Variants in DOCK4 observed in about 807,000 individuals in gnomAD.
The protein encoded by DOCK4 is dedicator of cytokinesis protein 4.
Under a neutral mutation model 268.1 loss-of-function variants are expected in DOCK4, and 97 were observed. That is an observed-to-expected ratio of 0.36 (90% confidence interval 0.31 to 0.43). DOCK4 has a LOEUF of 0.43. Ranked by LOEUF, DOCK4 falls within the 20% of genes least tolerant of loss-of-function variation. The pLI is 1.00. For missense variants in DOCK4, 2,145 were observed against 2,455.7 expected (o/e 0.87, Z 2.67); for synonymous variants, 954 against 887.2 (o/e 1.08, Z -1.34).
intron 16 of DOCK4, among the ~76,000 whole-genome samples, chr7:111,880,249 A>C (rs1468484040): frequency 6.6e-6 from 1 of 152,202 alleles, no homozygotes; most frequent in Admixed American, 6.5e-5. Flanking sequence ...TTCGGTGGAA[A>C]TCTTACAGGC....
chr7:111,935,327 A>C, intron 12 of DOCK4: 1 of 603,618 alleles, frequency 1.7e-6, no homozygotes. Flanking sequence ...TTTTCGTTTC[A>C]ACAAGAATAG....
chr7:111,912,691 A>C (rs59812790), intron 13 of DOCK4, among the ~76,000 whole-genome samples: 22,091 of 151,986 alleles, frequency 0.15, 2,269 homozygotes, highest in African/African-American at 0.29. Context: ...AAAGGAAAAG[A>C]GAAAGAAAAT....
chr7:111,869,695 C>G (rs781646290), intron 20 of DOCK4, 40 bp from the exon 21 acceptor site: 2 of 1,572,688 alleles, frequency 1.3e-6, no homozygotes, highest in Non-Finnish European at 8.7e-7. Context: ...TAAAATTGGT[C>G]TAATTCTCAA....
chr7:112,145,265 G>A (rs1815358479), intron 1 of DOCK4, among the ~76,000 whole-genome samples: 1 of 152,142 alleles, frequency 6.6e-6, no homozygotes, highest in Admixed American at 6.5e-5. Context: ...TTCAGACTTA[G>A]GCTGAGATCC....
At chr7:111,753,005 TGG>T (rs5886603) in intron 42 of DOCK4, among the ~76,000 whole-genome samples, 1 of 105,166 alleles carries the variant, frequency 9.5e-6, no homozygotes, top group African/African-American at 3.6e-5. Context: ...GATAAGCTAT[TGG>T]GGGGGGGGTC....
intron 7 of DOCK4, among the ~76,000 whole-genome samples, chr7:111,981,869 T>C (rs1343677733): frequency 6.6e-6 from 1 of 152,098 alleles, no homozygotes; most frequent in Non-Finnish European, 1.5e-5. Flanking sequence ...CACCCACCAA[T>C]AAACTGGAAT....
At chr7:112,154,577 C>T (rs1194661925) in intron 1 of DOCK4, among the ~76,000 whole-genome samples, 1 of 152,170 alleles carries the variant, frequency 6.6e-6, no homozygotes, top group Non-Finnish European at 1.5e-5. Context: ...GCAGCTGATA[C>T]ATAGGGTACA....
chr7:112,050,578 T>C (rs1158180299), intron 1 of DOCK4, among the ~76,000 whole-genome samples: 1 of 152,138 alleles, frequency 6.6e-6, no homozygotes, highest in East Asian at 1.9e-4. Flanking sequence ...AAATGACTAA[T>C]AACAGTAGCC....
At chr7:112,095,497 A>T (rs1327601040) in intron 1 of DOCK4, among the ~76,000 whole-genome samples, 2 of 152,220 alleles carry the variant, frequency 1.3e-5, no homozygotes, top group Non-Finnish European at 2.9e-5. Flanking sequence ...TTTGACTATG[A>T]TTCCTATGAA....
At chr7:111,975,087 C>T (rs432772) in intron 8 of DOCK4, among the ~76,000 whole-genome samples, 150 of 152,078 alleles carry the variant, frequency 9.9e-4, no homozygotes, top group Non-Finnish European at 1.2e-3. Flanking sequence ...GCCAACATGG[C>T]GAAACCCCGT....
intron 1 of DOCK4, among the ~76,000 whole-genome samples, chr7:112,105,032 G>C (rs1811012818): frequency 6.6e-6 from 1 of 151,982 alleles, no homozygotes; most frequent in Non-Finnish European, 1.5e-5. Flanking sequence ...TATGCTGCTG[G>C]GATCATAAAA....
intron 1 of DOCK4, among the ~76,000 whole-genome samples, chr7:112,018,179 A>AAAAAAAAAAAAAAACACACAC: frequency 1.4e-5 from 1 of 72,590 alleles, no homozygotes; most frequent in African/African-American, 5.4e-5. Context: ...AAAAAAAAAA[A>AAAAAAAAAAAAAAACACACAC]ACACAGGCAA....
chr7:112,056,660 C>T (rs1805847369), intron 1 of DOCK4, among the ~76,000 whole-genome samples: 1 of 152,126 alleles, frequency 6.6e-6, no homozygotes, highest in South Asian at 2.1e-4. Flanking sequence ...CTTGGTTTAA[C>T]TGAACTCATT....
At chr7:111,870,953 G>A (rs913175780) in intron 20 of DOCK4, among the ~76,000 whole-genome samples, 1 of 152,202 alleles carries the variant, frequency 6.6e-6, no homozygotes, top group East Asian at 1.9e-4. Flanking sequence ...TCCTGCGGTT[G>A]CATTTCACTC....
chr7:111,950,691 G>C (rs1408443392), intron 8 of DOCK4, among the ~76,000 whole-genome samples: 1 of 152,122 alleles, frequency 6.6e-6, no homozygotes, highest in African/African-American at 2.4e-5. Context: ...GTAGGGAAAT[G>C]TATGAAACTC....
chr7:112,004,012 C>T (rs763385805), intron 2 of DOCK4, 36 bp downstream of exon 2: 30 of 1,493,604 alleles, frequency 2.0e-5, no homozygotes, highest in Admixed American at 1.3e-4. Context: ...TTATGAACAG[C>T]CGTATGTTGA....
At chr7:112,079,244 A>G (rs1262942551) in intron 1 of DOCK4, among the ~76,000 whole-genome samples, 1 of 152,168 alleles carries the variant, frequency 6.6e-6, no homozygotes, top group East Asian at 1.9e-4. Context: ...TCTGTTTAAA[A>G]AAGCAAACTG....
intron 35 of DOCK4, among the ~76,000 whole-genome samples, chr7:111,780,289 C>T (rs1050436018): frequency 6.6e-6 from 1 of 152,208 alleles, no homozygotes; most frequent in Non-Finnish European, 1.5e-5. Context: ...CATTATCCTC[C>T]CTCTTTTATT....
intron 1 of DOCK4, among the ~76,000 whole-genome samples, chr7:112,008,556 G>A (rs573071516): frequency 1.3e-5 from 2 of 152,296 alleles, no homozygotes; most frequent in East Asian, 3.9e-4. Context: ...ATGATGCAGT[G>A]AAATGGGGAC....
Sources: gnomAD v4.1 joint callset for allele counts (sites outside exome capture counted in the v4.1 genomes callset) on GRCh38, gnomAD v4.1.1 for gene constraint, MANE v1.5 for transcripts, NCBI Gene and HGNC (gene_info 2026-07-23, HGNC 2026-07-21) for gene names.